Variants in VKORC1L1 observed in about 807,000 individuals in gnomAD.
VKORC1L1 encodes the protein vitamin K epoxide reductase complex subunit 1L1, also known as vitamin K epoxide reductase complex subunit 1-like protein 1.
In VKORC1L1, 2 loss-of-function variants were observed where a neutral mutation model predicts 18.9. The observed-to-expected ratio is 0.11, with a 90% CI of 0.04 to 0.33. The LOEUF (loss-of-function observed/expected upper bound fraction) is 0.33, where lower values mean the gene tolerates loss of function less well. VKORC1L1 is among the 10% of genes least tolerant of loss of function. The pLI, the probability that VKORC1L1 is intolerant of heterozygous loss-of-function variation, is 1.00. For missense variants in VKORC1L1, 123 were observed against 224.1 expected (o/e 0.55, Z 2.88); for synonymous variants, 96 against 100.0 (o/e 0.96, Z 0.24).
chr7:65,923,411 A>C (rs1789710958), intron 1 of VKORC1L1, among the ~76,000 whole-genome samples: 1 of 152,130 alleles, frequency 6.6e-6, no homozygotes, highest in Non-Finnish European at 1.5e-5. Context: ...AAAAAGAAAA[A>C]AAAAAAGATG....
At chr7:65,939,011 T>G (rs1198553980) in intron 1 of VKORC1L1, among the ~76,000 whole-genome samples, 1 of 152,130 alleles carries the variant, frequency 6.6e-6, no homozygotes, top group Non-Finnish European at 1.5e-5. Flanking sequence ...AAGAGAAGAT[T>G]CTCAAAGACT....
At chr7:65,886,999 G>A (rs1204185136) in intron 1 of VKORC1L1, among the ~76,000 whole-genome samples, 7 of 150,970 alleles carry the variant, frequency 4.6e-5, no homozygotes, top group Non-Finnish European at 8.8e-5. Flanking sequence ...ACAGGCGCAC[G>A]CCACCAACCC....
At chr7:65,929,337 T>C (rs1366484734) in intron 1 of VKORC1L1, among the ~76,000 whole-genome samples, 2 of 152,052 alleles carry the variant, frequency 1.3e-5, no homozygotes, top group African/African-American at 2.4e-5. Context: ...GCTTGAACCC[T>C]GGAGGCAGAG....
Position 65,914,430 on chromosome 7 carries a change from C to T in VKORC1L1, c.195-34241C>T, listed in dbSNP as rs796609200. 2.0e-5 allele frequency among the ~76,000 whole-genome samples: 3 copies of T among 152,042 alleles called. No individual in the cohort carries two copies. In the East Asian group the frequency reaches 5.8e-4, roughly 29 times the overall value. On this transcript the variant is annotated intron_variant, in intron 1 of 2. Transcript: ENST00000360768. ...GCACTTCTTTTTTGCCACTGTCTCT[C>T]CTATCCCTTCCCTCTATATCTTCTG...
intron 1 of VKORC1L1, among the ~76,000 whole-genome samples, chr7:65,885,985 A>G (rs1789004724): frequency 6.6e-6 from 1 of 152,236 alleles, no homozygotes; most frequent in African/African-American, 2.4e-5. Flanking sequence ...AGGTCTTTCC[A>G]TCAAGGAGCA....
intron 1 of VKORC1L1, among the ~76,000 whole-genome samples, chr7:65,943,857 A>T (rs561378878): frequency 1.3e-5 from 2 of 152,354 alleles, no homozygotes; most frequent in African/African-American, 4.8e-5. Context: ...ATAAATGTTG[A>T]TATTCTTAAG....
intron 1 of VKORC1L1, among the ~76,000 whole-genome samples, chr7:65,927,377 G>A (rs761224205): frequency 1.3e-4 from 20 of 152,104 alleles, no homozygotes; most frequent in Non-Finnish European, 2.5e-4. Flanking sequence ...CTATATGTAG[G>A]ATGGATATGG....
At chr7:65,896,503 A>G (rs1308659681) in intron 1 of VKORC1L1, among the ~76,000 whole-genome samples, 1 of 151,868 alleles carries the variant, frequency 6.6e-6, no homozygotes, top group Admixed American at 6.6e-5. Context: ...TCCTACCAGC[A>G]ATGTAATAGG....
chr7:65,873,528 G>A lies in VKORC1L1; in HGVS notation c.157G>A (p.Gly53Arg). Residue 53 changes from glycine to arginine, a missense_variant, in exon 1 of 3, where the codon GGG (glycine) becomes AGG (arginine). This residue lies in a region of VKORC1L1 where 60 missense variants were observed against 76.9 expected (regional missense o/e 0.78). Coordinates refer to ENST00000360768, the MANE Select transcript of VKORC1L1 (RefSeq NM_173517.6). ...DPEHRALCDL[G>R]PWVKCSAALA... ...CGAGCACCGGGCCCTCTGCGACCTGGGGCCCTGGGTGAAGTGCTCCGCCGC... is the reference window on the plus strand; with the variant it reads ...CGAGCACCGGGCCCTCTGCGACCTGAGGCCCTGGGTGAAGTGCTCCGCCGC... 6.3e-7 allele frequency: 1 copy of A among 1,583,750 alleles called. No homozygotes were observed. The highest frequency in any genetic ancestry group is 8.6e-7 in the Non-Finnish European group (1 of 1,167,894).
intron 1 of VKORC1L1, among the ~76,000 whole-genome samples, chr7:65,886,547 T>G (rs1789014401): frequency 6.6e-6 from 1 of 152,084 alleles, no homozygotes; most frequent in South Asian, 2.1e-4. Flanking sequence ...TTATTTTATT[T>G]ATTTTTTTGA....
chr7:65,901,747 T>C (rs1197813985), intron 1 of VKORC1L1, among the ~76,000 whole-genome samples: 2 of 152,026 alleles, frequency 1.3e-5, no homozygotes, highest in Non-Finnish European at 1.5e-5. Context: ...ACTCCAGTGA[T>C]AGGTGGAGGA....
intron 1 of VKORC1L1, among the ~76,000 whole-genome samples, chr7:65,945,479 G>A (rs994508501): frequency 2.6e-5 from 4 of 152,070 alleles, no homozygotes; most frequent in South Asian, 2.1e-4. Context: ...GGGCATGGTG[G>A]TGGGCGCCTG....
At position 65,879,329 on chromosome 7, in the gene VKORC1L1, A is replaced by C. The variant is rs572998510; in HGVS notation, c.194+5764A>C. Reference sequence around the variant, plus strand: ...ATTATCATTGTTTCTTGGTATGGAAATTTCAGAAGCAGGTTGAACTGAAAA... The same window carrying C: ...ATTATCATTGTTTCTTGGTATGGAACTTTCAGAAGCAGGTTGAACTGAAAA... On this transcript the variant is annotated intron_variant, in intron 1 of 2. Transcript: ENST00000360768. Among the ~76,000 whole-genome samples the C allele has an allele frequency of 4.1e-3, 618 of 152,252 alleles. 3 individuals carry two copies. Among genetic ancestry groups the C allele is most frequent in the African/African-American group, 0.014 (571 of 41,566 alleles).
At chr7:65,931,637 A>G (rs181382917) in intron 1 of VKORC1L1, among the ~76,000 whole-genome samples, 176 of 151,824 alleles carry the variant, frequency 1.2e-3, no homozygotes, top group East Asian at 7.2e-3. Flanking sequence ...CTAGAGGTTT[A>G]TTGATTTTCT....
intron 1 of VKORC1L1, among the ~76,000 whole-genome samples, chr7:65,896,044 C>G (rs973084313): frequency 6.6e-6 from 1 of 150,796 alleles, no homozygotes; most frequent in Non-Finnish European, 1.5e-5. Flanking sequence ...TACAGGTGCC[C>G]GCTACCACAC....
chr7:65,875,343 A>C (rs1246884444), intron 1 of VKORC1L1, among the ~76,000 whole-genome samples: 1 of 152,188 alleles, frequency 6.6e-6, no homozygotes, highest in African/African-American at 2.4e-5. Context: ...ATATGTACAT[A>C]TATAGACTCA....
At chr7:65,945,468 T>C (rs1198130128) in intron 1 of VKORC1L1, among the ~76,000 whole-genome samples, 3 of 151,832 alleles carry the variant, frequency 2.0e-5, no homozygotes, top group Non-Finnish European at 4.4e-5. Flanking sequence ...AAAAATTAGC[T>C]GGGCATGGTG....
At chr7:65,894,551 A>AC (rs1348494519) in intron 1 of VKORC1L1, among the ~76,000 whole-genome samples, 2 of 151,500 alleles carry the variant, frequency 1.3e-5, no homozygotes, top group Non-Finnish European at 2.9e-5. Context: ...ACACGGTGAA[A>AC]CCCCATCTCT....
chr7:65,872,164 G>C (rs968596757), upstream of VKORC1L1, among the ~76,000 whole-genome samples: 1 of 152,136 alleles, frequency 6.6e-6, no homozygotes, highest in Non-Finnish European at 1.5e-5. Flanking sequence ...CCTATGGCCT[G>C]CTTATCTGTG....
Sources: gnomAD v4.1 joint callset for allele counts (sites outside exome capture counted in the v4.1 genomes callset) on GRCh38, gnomAD v4.1.1 for gene constraint, gnomAD v4.1.1 regional missense constraint, MANE v1.5 for transcripts, NCBI Gene and HGNC (gene_info 2026-07-23, HGNC 2026-07-21) for gene names.